Variants in PRKN observed in about 807,000 individuals in gnomAD.
PRKN encodes the protein parkin RBR E3 ubiquitin protein ligase, also known as E3 ubiquitin-protein ligase parkin.
PRKN carries 56 observed loss-of-function variants against 59.5 expected under a neutral mutation model. The ratio of observed to expected loss-of-function variants is 0.94; its 90% CI spans 0.76 to 1.18. The LOEUF (loss-of-function observed/expected upper bound fraction) is 1.18. Ranked by LOEUF, PRKN falls within the 50% of genes most tolerant of loss-of-function variation. The probability of loss-of-function intolerance (pLI) is 0.00; values close to 1 mark genes in which losing one functional copy is unlikely to be tolerated. For missense variants in PRKN, 657 were observed against 596.4 expected, an observed-to-expected ratio of 1.10 and a Z score of -1.06; for synonymous variants, 250 against 222.1, an observed-to-expected ratio of 1.13 and a Z score of -1.12.
chr6:161,970,932 C>T (rs142759225), intron 6 of PRKN, among the ~76,000 whole-genome samples: 62 of 152,266 alleles, frequency 4.1e-4, no homozygotes, highest in African/African-American at 1.3e-3. Flanking sequence ...CCAAACTGCA[C>T]GGAGTGTCCG....
intron 2 of PRKN, among the ~76,000 whole-genome samples, chr6:162,363,978 G>A (rs1166232272): frequency 3.3e-5 from 5 of 152,190 alleles, no homozygotes; most frequent in Non-Finnish European, 7.3e-5. Flanking sequence ...ATCCACCCAT[G>A]AGTAAGTTCC....
intron 1 of PRKN, among the ~76,000 whole-genome samples, chr6:162,666,642 C>T (rs1163861347): frequency 6.6e-6 from 1 of 151,972 alleles, no homozygotes. Context: ...TAATCATTTT[C>T]CCACAAAAAA....
At position 161,455,856 on chromosome 6, in the gene PRKN, C is replaced by T. The variant is rs541620733; in HGVS notation, c.1084-68979G>A. ...CCAGCCTGGCGACACAGCAAGACTC[C>T]GTCTCAAAAAAAAAAAAAAAAAAAT... On this transcript the variant is annotated intron_variant, in intron 9 of 11. Coordinates refer to ENST00000366898, the MANE Select transcript of PRKN (RefSeq NM_004562.3). Among the ~76,000 whole-genome samples the T allele has an allele frequency of 1.5e-3, 209 of 139,062 alleles. 1 individual carries two copies. Among genetic ancestry groups the T allele is most frequent in the African/African-American group, 5.5e-3 (195 of 35,718 alleles). 91.2% of individuals were successfully genotyped at this position (139,062 alleles called of 152,430 possible).
At chr6:161,493,801 A>G (rs1273202518) in intron 9 of PRKN, among the ~76,000 whole-genome samples, 1 of 152,182 alleles carries the variant, frequency 6.6e-6, no homozygotes, top group Non-Finnish European at 1.5e-5. Flanking sequence ...TTTGCAGAGG[A>G]GATGTTTTCT....
At chr6:161,778,877 A>G (rs1454791581) in intron 7 of PRKN, among the ~76,000 whole-genome samples, 2 of 152,094 alleles carry the variant, frequency 1.3e-5, no homozygotes, top group Non-Finnish European at 2.9e-5. Flanking sequence ...TGCTTTCAAT[A>G]CATTATTTGT....
intron 1 of PRKN, among the ~76,000 whole-genome samples, chr6:162,494,557 CAGA>C (rs1562329526): frequency 6.6e-6 from 1 of 152,280 alleles, no homozygotes; most frequent in Non-Finnish European, 1.5e-5. Context: ...CTCACAATTG[CAGA>C]AGGTCAAATC....
chr6:161,755,365 C>T (rs891373802), intron 7 of PRKN, among the ~76,000 whole-genome samples: 1 of 152,014 alleles, frequency 6.6e-6, no homozygotes, highest in Non-Finnish European at 1.5e-5. Flanking sequence ...TCTCAGATGA[C>T]AGTAAACATC....
chr6:161,779,105 A>G (rs564079509), intron 7 of PRKN, among the ~76,000 whole-genome samples: 1 of 151,892 alleles, frequency 6.6e-6, no homozygotes, highest in South Asian at 2.1e-4. Flanking sequence ...ACGCCTGGCT[A>G]ATTTTTGTAT....
At position 162,106,058 on chromosome 6, in the gene PRKN, T is replaced by C. The variant is rs1290514587; in HGVS notation, c.535-51884A>G. Among the ~76,000 whole-genome samples, 3 of 152,180 alleles carry C rather than the reference T, an allele frequency of 2.0e-5. No individual in the cohort carries two copies. In the East Asian group the frequency reaches 5.8e-4, roughly 29 times the overall value. ...GAGGAGACAAAAAAGTGGTGAAAAATGTGGATAGAAAATGATTGGTTGATA... is the reference window on the plus strand; with the variant it reads ...GAGGAGACAAAAAAGTGGTGAAAAACGTGGATAGAAAATGATTGGTTGATA... On this transcript the variant is annotated intron_variant, in intron 4 of 11. Transcript: ENST00000366898.
At position 162,163,073 on chromosome 6, in the gene PRKN, T is replaced by G. The variant is rs531567757; in HGVS notation, c.534+38058A>C. ...TACAGTTCCCCTGGGATATTACTAT[T>G]CATTTATAATCTATCATTTTGCAAG... On this transcript the variant is annotated intron_variant, in intron 4 of 11. Coordinates refer to ENST00000366898, the MANE Select transcript of PRKN (RefSeq NM_004562.3). Among the ~76,000 whole-genome samples, 14 of 149,326 alleles carry G rather than the reference T, an allele frequency of 9.4e-5. 2 individuals are homozygous for G. The South Asian group carries it at 3.0e-3, about 31-fold the overall frequency.
At chr6:162,588,197 G>A (rs1000743566) in intron 1 of PRKN, among the ~76,000 whole-genome samples, 1 of 151,774 alleles carries the variant, frequency 6.6e-6, no homozygotes, top group Non-Finnish European at 1.5e-5. Context: ...TTTTAGTAAA[G>A]ACAGGGTTTC....
chr6:162,207,097 C>T (rs1208663000), intron 3 of PRKN, among the ~76,000 whole-genome samples: 2 of 152,080 alleles, frequency 1.3e-5, no homozygotes. Flanking sequence ...GATCGGCCTG[C>T]CGCAGTGACT....
rs1787511409 is a variant in PRKN at position 161,410,944 on chromosome 6, G to T, written c.1084-24067C>A. On this transcript the variant is annotated intron_variant, in intron 9 of 11. Transcript: ENST00000366898. This position sits in a 1 kb window ranked among gnomAD's most constrained non-coding sequence, Gnocchi z 5.3. ...TTTACAAAATCTGGCTAAACAGGAA[G>T]TTTCATCCTGAAACCGGTTTCCTCA... 6.6e-6 allele frequency among the ~76,000 whole-genome samples: 1 copy of T among 152,170 alleles called. No homozygotes were observed. Among genetic ancestry groups the T allele is most frequent in the South Asian group, 2.1e-4 (1 of 4,832 alleles).
At chr6:161,942,296 C>T (rs936358558) in intron 6 of PRKN, among the ~76,000 whole-genome samples, 8 of 152,050 alleles carry the variant, frequency 5.3e-5, no homozygotes, top group Admixed American at 2.0e-4. Context: ...TTTGGGAGGC[C>T]GAGGCAGGTG....
At chr6:162,477,538 T>C (rs1220315181) in intron 1 of PRKN, among the ~76,000 whole-genome samples, 2 of 152,164 alleles carry the variant, frequency 1.3e-5, no homozygotes, top group East Asian at 3.9e-4. Flanking sequence ...GCCAGTCCTT[T>C]CATTCAAAAC....
At chr6:161,665,270 C>A (rs1342088259) in intron 7 of PRKN, among the ~76,000 whole-genome samples, 2 of 151,430 alleles carry the variant, frequency 1.3e-5, no homozygotes, top group African/African-American at 4.9e-5. Flanking sequence ...GTTGAAAAAC[C>A]AAAAAAGGCC....
At chr6:161,476,501 A>C (rs1449314293) in intron 9 of PRKN, among the ~76,000 whole-genome samples, 1 of 152,220 alleles carries the variant, frequency 6.6e-6, no homozygotes, top group Non-Finnish European at 1.5e-5. Context: ...CTTTTCCTTG[A>C]GAAAATCTAA....
At chr6:162,590,768 T>C (rs959448029) in intron 1 of PRKN, among the ~76,000 whole-genome samples, 1 of 151,964 alleles carries the variant, frequency 6.6e-6, no homozygotes, top group Non-Finnish European at 1.5e-5. Flanking sequence ...AGTGAATTGG[T>C]GAAAAAACAA....
intron 1 of PRKN, among the ~76,000 whole-genome samples, chr6:162,465,839 G>T (rs1791386444): frequency 6.6e-6 from 1 of 152,056 alleles, no homozygotes; most frequent in African/African-American, 2.4e-5. Flanking sequence ...ATTCAGGAGG[G>T]TATATTGTGA....
Sources: allele counts gnomAD v4.1 joint callset (sites outside exome capture counted in the v4.1 genomes callset), GRCh38; gene constraint gnomAD v4.1.1; non-coding constraint Gnocchi (gnomAD v3.1); transcripts MANE v1.5; gene names NCBI Gene and HGNC (gene_info 2026-07-23, HGNC 2026-07-21).